Variants in PCDHGB7 observed in about 807,000 individuals in gnomAD.
PCDHGB7 encodes protocadherin gamma subfamily B, 7, also known as protocadherin gamma-B7.
Under a neutral mutation model 61.4 loss-of-function variants are expected in PCDHGB7, and 37 were observed. The observed-to-expected ratio is 0.60, with a 90% confidence interval of 0.46 to 0.79. The LOEUF is 0.79. PCDHGB7 is among the 30% of genes least tolerant of loss of function. The pLI is 0.00. For missense variants in PCDHGB7, 1,166 were observed against 1,202.5 expected (o/e 0.97, Z 0.45); for synonymous variants, 464 against 503.5 (o/e 0.92, Z 1.05).
chr5:141,484,375 G>C (rs188702244), intron 1 of PCDHGB7, among the ~76,000 whole-genome samples: 2 of 152,258 alleles, frequency 1.3e-5, no homozygotes, highest in African/African-American at 4.8e-5. Flanking sequence ...ACTAGCAAAT[G>C]TCTGAATAAG....
In PCDHGB7 at chr5:141,419,852, G is replaced by A; in HGVS notation, c.1993G>A (p.Ala665Thr). Residue 665 changes from alanine (A) to threonine (T), a missense_variant, in exon 1 of 4, where the codon GCA (alanine) becomes ACA (threonine). By Grantham distance (58) the Ala-to-Thr change is moderately conservative. Transcript: ENST00000398594. Reference protein sequence around the residue: ...SATATLHLVFADSLQEVLPDF... With the variant: ...SATATLHLVFTDSLQEVLPDF... Reference sequence around the variant, plus strand: ...CACTGCCACGCTGCACCTGGTGTTCGCAGATAGCTTGCAAGAGGTACTGCC... The same window carrying A: ...CACTGCCACGCTGCACCTGGTGTTCACAGATAGCTTGCAAGAGGTACTGCC... 1 of 1,614,066 alleles carries A rather than the reference G, an allele frequency of 6.2e-7. No homozygotes were observed. Among genetic ancestry groups the A allele is most frequent in the Non-Finnish European group, 8.5e-7 (1 of 1,179,898 alleles).
chr5:141,422,175 T>G (rs2096631593), intron 1 of PCDHGB7: 1 of 1,564,276 alleles, frequency 6.4e-7, no homozygotes, highest in Non-Finnish European at 8.6e-7. Context: ...ATAGATTCTA[T>G]GAGATGGAAA....
At position 141,487,063 on chromosome 5, in the gene PCDHGB7, G is replaced by T; in HGVS notation, c.2416-7744G>T. The T allele has an allele frequency of 6.2e-7, 1 of 1,614,086 alleles. No homozygotes were observed. ...CTCGATATGCTGGGGAGGTGCGGACGGCTGTTCCTATCCCAGCTGACCTCC... is the reference window on the plus strand; with the variant it reads ...CTCGATATGCTGGGGAGGTGCGGACTGCTGTTCCTATCCCAGCTGACCTCC... On this transcript the variant is annotated intron_variant, in intron 1 of 3. Coordinates refer to ENST00000398594, the MANE Select transcript of PCDHGB7 (RefSeq NM_018927.4). The surrounding 1 kb of genome is among the most constrained non-coding windows in gnomAD (Gnocchi z 5.0).
At chr5:141,464,600 C>T (rs970370250) in intron 1 of PCDHGB7, among the ~76,000 whole-genome samples, 24 of 152,118 alleles carry the variant, frequency 1.6e-4, no homozygotes, top group Admixed American at 1.1e-3. Flanking sequence ...CCATAGTCTC[C>T]TTTGCAGAGT....
rs761704779 is a variant in PCDHGB7 at position 141,486,764 on chromosome 5, C to T, written c.2416-8043C>T. ...CTTTGACTATGAGCAAACCCAGACA[C>T]TGCAGTTTGAGGTGCAGGCCCGGGA... On this transcript the variant is annotated intron_variant, in intron 1 of 3. Transcript: ENST00000398594. This position sits in a 1 kb window ranked among gnomAD's most constrained non-coding sequence, Gnocchi z 5.0. 6.2e-7 allele frequency: 1 copy of T among 1,614,264 alleles called. No homozygotes were observed. The highest frequency in any genetic ancestry group is 2.2e-5 in the East Asian group (1 of 44,880).
intron 1 of PCDHGB7, among the ~76,000 whole-genome samples, chr5:141,466,534 T>C (rs1343781541): frequency 6.6e-6 from 1 of 152,214 alleles, no homozygotes; most frequent in Non-Finnish European, 1.5e-5. Flanking sequence ...CAAATTGATG[T>C]AGATGGTCTT....
intron 1 of PCDHGB7, among the ~76,000 whole-genome samples, chr5:141,494,496 T>A (rs147870810): frequency 2.9e-3 from 442 of 152,264 alleles, no homozygotes; most frequent in Non-Finnish European, 4.9e-3. Flanking sequence ...ATGCCTTCAG[T>A]CCTTGAATTT....
intron 3 of PCDHGB7, 125 bp downstream of exon 3, chr5:141,505,606 C>G: frequency 6.5e-7 from 1 of 1,528,642 alleles, no homozygotes; most frequent in Non-Finnish European, 8.8e-7. Flanking sequence ...TTCGGCAGGT[C>G]TGAAAGGACC....
At chr5:141,454,092 T>C (rs552760379) in intron 1 of PCDHGB7, among the ~76,000 whole-genome samples, 2 of 152,316 alleles carry the variant, frequency 1.3e-5, no homozygotes, top group East Asian at 3.9e-4. Flanking sequence ...GAAATTTGAA[T>C]TGAACATAAA....
At chr5:141,441,279 C>T (rs3792898) in intron 1 of PCDHGB7, 17,193 of 152,116 alleles carry the variant, frequency 0.11, 1,155 homozygotes, top group African/African-American at 0.18. Context: ...CGGGAGAAAA[C>T]GAGGTCACAT....
intron 1 of PCDHGB7, among the ~76,000 whole-genome samples, chr5:141,450,561 A>G (rs1381887193): frequency 6.6e-6 from 1 of 151,856 alleles, no homozygotes; most frequent in Admixed American, 6.6e-5. Flanking sequence ...GTCTCGGCTC[A>G]CTGCAACTTC....
At position 141,431,176 on chromosome 5, in the gene PCDHGB7, A is replaced by G; in HGVS notation, c.2415+10902A>G. On this transcript the variant is annotated intron_variant, in intron 1 of 3. Coordinates refer to ENST00000398594, the MANE Select transcript of PCDHGB7 (RefSeq NM_018927.4). The surrounding 1 kb of genome is among the most constrained non-coding windows in gnomAD (Gnocchi z 4.8). Reference sequence around the variant, plus strand: ...CTTACTTTCGTGAAAGTGAATTAGAAATAAAAATTAGTGAAAATGCAGCCA... The same window carrying G: ...CTTACTTTCGTGAAAGTGAATTAGAGATAAAAATTAGTGAAAATGCAGCCA... The G allele has an allele frequency of 1.2e-6, 2 of 1,614,212 alleles. No individual in the cohort carries two copies. Among genetic ancestry groups the G allele is most frequent in the Non-Finnish European group, 1.7e-6 (2 of 1,180,032 alleles).
At position 141,430,830 on chromosome 5, in the gene PCDHGB7, G is replaced by A. The variant is rs754181300; in HGVS notation, c.2415+10556G>A. The stretch of plus-strand genomic sequence containing the variant: ...CTGGGAATCCTCCTGGGGACTCTGT[G>A]GGAGACCGGATGCACCCAGATACGC... On this transcript the variant is annotated intron_variant, in intron 1 of 3. Coordinates refer to ENST00000398594, the MANE Select transcript of PCDHGB7 (RefSeq NM_018927.4). 8 of 1,554,850 alleles carry A rather than the reference G, an allele frequency of 5.1e-6. No homozygotes were observed. The East Asian group carries it at 1.6e-4, about 31-fold the overall frequency.
Position 141,431,364 on chromosome 5 carries a change from G to T in PCDHGB7, c.2415+11090G>T, listed in dbSNP as rs773688069. 3 of 1,613,892 alleles carry T rather than the reference G, an allele frequency of 1.9e-6. No individual in the cohort carries two copies. The East Asian group carries it at 6.7e-5, about 36-fold the overall frequency. ...TTGGTGCTGAAACGCGCCCTGGACC[G>T]CGAAGAAAAGGCTGCTCACCACCTG... On this transcript the variant is annotated intron_variant, in intron 1 of 3. Coordinates refer to ENST00000398594, the MANE Select transcript of PCDHGB7 (RefSeq NM_018927.4). The surrounding 1 kb of genome is among the most constrained non-coding windows in gnomAD (Gnocchi z 4.8).
chr5:141,489,288 G>A lies in PCDHGB7; in HGVS notation c.2416-5519G>A. 6.3e-7 allele frequency: 1 copy of A among 1,575,870 alleles called. No homozygotes were observed. Among genetic ancestry groups the A allele is most frequent in the Non-Finnish European group, 8.6e-7 (1 of 1,161,152 alleles). On this transcript the variant is annotated intron_variant, in intron 1 of 3. Coordinates refer to ENST00000398594, the MANE Select transcript of PCDHGB7 (RefSeq NM_018927.4). The surrounding 1 kb of genome is among the most constrained non-coding windows in gnomAD (Gnocchi z 4.5). ...AGCTCGCTGGGAAATGGCAAGTGCT[G>A]TGCATGTTGTCCTTGTGCTGCTGGG...
chr5:141,419,274 C>T lies in PCDHGB7; in HGVS notation c.1415C>T (p.Ala472Val), dbSNP rs755798236. 17 of 1,613,900 alleles carry T rather than the reference C, an allele frequency of 1.1e-5. No homozygotes were observed. Among genetic ancestry groups the T allele is most frequent in the African/African-American group, 1.3e-5 (1 of 74,948 alleles). ...PENNQPGASIAQVSASDPDFG... is the reference protein window; with the variant it reads ...PENNQPGASIVQVSASDPDFG... ...AACAACCAGCCGGGTGCCTCCATAG[C>T]GCAAGTCAGTGCCTCTGACCCAGAC... is the stretch of plus-strand genomic sequence containing the variant. The change falls in exon 1 of 4, where the codon GCG becomes GTG. Residue 472 changes from alanine (A) to valine (V), a missense_variant. Transcript: ENST00000398594.
At chr5:141,433,828 ACT>A (rs1431945413) in intron 1 of PCDHGB7, among the ~76,000 whole-genome samples, 2 of 142,254 alleles carry the variant, frequency 1.4e-5, no homozygotes, top group Admixed American at 7.0e-5. Flanking sequence ...CAAGAGTGAA[ACT>A]CTATCTCAAA....
In PCDHGB7 at chr5:141,421,591, G is replaced by A. The variant is rs1273484124; in HGVS notation, c.2415+1317G>A. The A allele has an allele frequency of 1.9e-6, 3 of 1,613,756 alleles. No homozygotes were observed. In the Admixed American group the frequency reaches 5.0e-5, roughly 27 times the overall value. ...CACCTTGAAGATTTACGGAGTGGAG[G>A]TGGAAATAATAGATATTAATGATAA... is the stretch of plus-strand genomic sequence containing the variant. On this transcript the variant is annotated intron_variant, in intron 1 of 3. Transcript: ENST00000398594.
At chr5:141,441,911 T>TGAG in intron 1 of PCDHGB7, 1 of 348,148 alleles carries the variant, frequency 2.9e-6, no homozygotes, top group Non-Finnish European at 5.5e-6. Context: ...GACGCAGATG[T>TGAG]GAGACACAAT....
Sources: allele counts gnomAD v4.1 joint callset (sites outside exome capture counted in the v4.1 genomes callset), GRCh38; gene constraint gnomAD v4.1.1; non-coding constraint Gnocchi (gnomAD v3.1); transcripts MANE v1.5; gene names NCBI Gene and HGNC (gene_info 2026-07-23, HGNC 2026-07-21).